The following SEC16B variants were observed in gnomAD, a reference collection of about 807,000 sequenced individuals.
SEC16B encodes SEC16 homolog B, endoplasmic reticulum export factor, also known as protein transport protein Sec16B.
Under a neutral mutation model 141.8 loss-of-function variants are expected in SEC16B, and 115 were observed. That is an observed-to-expected ratio of 0.81 (90% CI 0.70 to 0.95). SEC16B has a LOEUF of 0.95. SEC16B is among the 40% of genes least tolerant of loss of function. SEC16B has a pLI of 0.00. For synonymous variants in SEC16B, 493 were observed against 492.5 expected (o/e 1.00, Z -0.01); for missense variants, 1,291 against 1,312.3 (o/e 0.98, Z 0.25).
chr1:177,973,605 G>A (rs74130804), upstream of SEC16B, among the ~76,000 whole-genome samples: 164 of 152,276 alleles, frequency 1.1e-3, 1 homozygote, highest in African/African-American at 3.8e-3. Flanking sequence ...TTGATTAACT[G>A]TGCTCAGTCT....
chr1:177,948,011 T>C (rs946055126), intron 12 of SEC16B, 69 bp from the exon 13 acceptor site: 12 of 1,231,418 alleles, frequency 9.7e-6, no homozygotes, highest in Non-Finnish European at 1.4e-5. Context: ...AAGAAGGCTG[T>C]TGTCTATTTC....
At chr1:177,936,769 C>T (rs1209355858) in intron 19 of SEC16B, among the ~76,000 whole-genome samples, 2 of 152,220 alleles carry the variant, frequency 1.3e-5, no homozygotes. Context: ...TACCCATACT[C>T]AGCCCTTGTT....
intron 15 of SEC16B, among the ~76,000 whole-genome samples, 177 bp downstream of exon 15, chr1:177,944,384 T>C (rs10913469): frequency 0.22 from 33,420 of 152,072 alleles, 3,990 homozygotes; most frequent in African/African-American, 0.3. Flanking sequence ...TATTATAAAA[T>C]ACAGACCTTT....
chr1:177,944,028 G>C (rs1462987014), intron 15 of SEC16B, among the ~76,000 whole-genome samples: 1 of 152,238 alleles, frequency 6.6e-6, no homozygotes, highest in Non-Finnish European at 1.5e-5. Context: ...GAAACGTTGA[G>C]AAGAGGGCGG....
At chr1:177,952,724 A>C (rs188051682) in intron 11 of SEC16B, among the ~76,000 whole-genome samples, 9 of 152,262 alleles carry the variant, frequency 5.9e-5, no homozygotes, top group Admixed American at 3.3e-4. Context: ...GGGCTGTGGG[A>C]CGTTCATTTT....
chr1:177,961,139 A>G lies in SEC16B; in HGVS notation c.788-200T>C. 3 of 572,974 alleles carry G rather than the reference A, an allele frequency of 5.2e-6. No individual in the cohort carries two copies. In the South Asian group the frequency reaches 6.3e-5, roughly 12 times the overall value. The allele number at this position is 572,974 out of a possible 1,614,324, so 35.5% of individuals were successfully genotyped here. A position where few individuals can be genotyped will look rare whatever the true frequency, so the allele number is the denominator to read the frequency against. ...GCCTCTGAGAAGGTGTCAGAATACAATGCGTGGGCTTGATGATTCAGTCCA... is the reference window on the plus strand; with the variant it reads ...GCCTCTGAGAAGGTGTCAGAATACAGTGCGTGGGCTTGATGATTCAGTCCA... On this transcript the variant is annotated intron_variant, in intron 6 of 25. Transcript: ENST00000308284.
intron 1 of SEC16B, among the ~76,000 whole-genome samples, chr1:177,982,449 G>A (rs1035978960): frequency 6.6e-6 from 1 of 152,204 alleles, no homozygotes; most frequent in African/African-American, 2.4e-5. Context: ...TTGGGGAAGG[G>A]AGGCAGGCAG....
intron 5 of SEC16B, among the ~76,000 whole-genome samples, chr1:177,962,352 G>C (rs113539464): frequency 0.01 from 1,572 of 151,986 alleles, 37 homozygotes; most frequent in African/African-American, 0.036. Flanking sequence ...TTACAGGCGT[G>C]AGCCACCATG....
chr1:177,967,955 C>A lies in SEC16B; in HGVS notation c.27G>T (p.Leu9=), dbSNP rs762394964. 20 of 1,611,558 alleles carry A rather than the reference C, an allele frequency of 1.2e-5. No individual in the cohort carries two copies. Among genetic ancestry groups the A allele is most frequent in the Non-Finnish European group, 1.7e-5 (20 of 1,177,974 alleles). ...CTGTGGCCTTCCCTCGTGTCTGGGGCAGCCTCTGGGGAGCCCAAAGTTCCA... is the reference window on the plus strand; with the variant it reads ...CTGTGGCCTTCCCTCGTGTCTGGGGAAGCCTCTGGGGAGCCCAAAGTTCCA... MELWAPQR[L]PQTRGKATAP... is the part of the protein sequence containing the mutation. Residue 9 remains leucine (L), a synonymous_variant, in exon 2 of 26, where the codon CTG becomes CTT. Coordinates refer to ENST00000308284, the MANE Select transcript of SEC16B (RefSeq NM_033127.4).
intron 1 of SEC16B, 138 bp from the exon 2 acceptor site, chr1:177,968,177 A>G (rs1455232188): frequency 1.0e-5 from 5 of 496,372 alleles, no homozygotes; most frequent in Admixed American, 3.4e-5. Flanking sequence ...GGATACAGAG[A>G]AATCTGAGAA....
chr1:177,944,188 C>T (rs754854815), intron 15 of SEC16B, among the ~76,000 whole-genome samples: 83 of 152,226 alleles, frequency 5.5e-4, no homozygotes, highest in Middle Eastern at 3.4e-3. Flanking sequence ...GCTGGGCCTG[C>T]GCTCCCACTC....
chr1:177,939,407 A>G (rs1651108266), intron 18 of SEC16B, among the ~76,000 whole-genome samples: 1 of 152,248 alleles, frequency 6.6e-6, no homozygotes, highest in Admixed American at 6.5e-5. Flanking sequence ...GAGAGAAGTT[A>G]TTAACATAGG....
At chr1:177,958,545 T>C (rs1652808292) in intron 9 of SEC16B, 183 bp from the exon 10 acceptor site, 3 of 604,008 alleles carry the variant, frequency 5.0e-6, no homozygotes, top group Non-Finnish European at 8.4e-6. Flanking sequence ...ATGGTTATTT[T>C]CTGCCTGTCA....
At chr1:177,940,390 T>A (rs142836695) in intron 17 of SEC16B, among the ~76,000 whole-genome samples, 26 of 152,038 alleles carry the variant, frequency 1.7e-4, no homozygotes, top group Middle Eastern at 6.8e-3. Flanking sequence ...CATGCGAACA[T>A]AGGAAAACGC....
intron 15 of SEC16B, 126 bp from the exon 16 acceptor site, chr1:177,942,166 G>A (rs1201491413): frequency 9.5e-7 from 1 of 1,049,344 alleles, no homozygotes; most frequent in Non-Finnish European, 1.4e-6. Flanking sequence ...AATACCAAGA[G>A]GCTTGTGCCA....
At chr1:177,966,886 C>G (rs1205029514) in intron 2 of SEC16B, among the ~76,000 whole-genome samples, 1 of 152,112 alleles carries the variant, frequency 6.6e-6, no homozygotes, top group Non-Finnish European at 1.5e-5. Flanking sequence ...ATTAGCAATT[C>G]TTTAGTATTT....
intron 9 of SEC16B, 65 bp from the exon 10 acceptor site, chr1:177,958,427 G>A (rs1571338437): frequency 1.5e-6 from 2 of 1,336,042 alleles, no homozygotes; most frequent in Non-Finnish European, 2.0e-6. Flanking sequence ...GCCCCAGCTG[G>A]AGAAGGAAGG....
intron 11 of SEC16B, among the ~76,000 whole-genome samples, chr1:177,952,810 C>G (rs1421673089): frequency 1.3e-5 from 2 of 152,058 alleles, no homozygotes; most frequent in Non-Finnish European, 2.9e-5. Flanking sequence ...GCTCCGAGCA[C>G]GTATCACAAT....
At chr1:177,944,732 G>C in intron 14 of SEC16B, 66 bp from the exon 15 acceptor site, 2 of 1,322,052 alleles carry the variant, frequency 1.5e-6, no homozygotes, top group South Asian at 1.3e-5. Context: ...AATCCTAGTG[G>C]CTCTCCAAAC....
Sources: gnomAD v4.1 joint callset for allele counts (sites outside exome capture counted in the v4.1 genomes callset) on GRCh38, gnomAD v4.1.1 for gene constraint, MANE v1.5 for transcripts, NCBI Gene and HGNC (gene_info 2026-07-23, HGNC 2026-07-21) for gene names.